Variants in POLQ observed in about 807,000 individuals in gnomAD.
POLQ encodes the protein DNA polymerase theta.
In POLQ, 233 loss-of-function variants were observed where a neutral mutation model predicts 259.2. That is an observed-to-expected ratio of 0.90 (90% CI 0.81 to 1.00). The LOEUF (loss-of-function observed/expected upper bound fraction) is 1.00, where lower values mean the gene tolerates loss of function less well. POLQ is among the 50% of genes least tolerant of loss of function. The probability of loss-of-function intolerance (pLI) is 0.00; values close to 1 mark genes in which losing one functional copy is unlikely to be tolerated. For missense variants in POLQ, 2,871 were observed against 3,051.6 expected, an observed-to-expected ratio of 0.94 and a Z score of 1.39; for synonymous variants, 1,025 against 1,048.8, an observed-to-expected ratio of 0.98 and a Z score of 0.44.
intron 26 of POLQ, among the ~76,000 whole-genome samples, chr3:121,442,871 T>C (rs2047605242): frequency 6.6e-6 from 1 of 152,184 alleles, no homozygotes; most frequent in African/African-American, 2.4e-5. Flanking sequence ...TGTTTTGTTT[T>C]GTTTTTGAGA....
chr3:121,456,554 T>C (rs1317523668), intron 25 of POLQ, among the ~76,000 whole-genome samples: 1 of 152,094 alleles, frequency 6.6e-6, no homozygotes, highest in Non-Finnish European at 1.5e-5. Flanking sequence ...ACAAAATCAA[T>C]GTACAAAAAT....
At chr3:121,447,847 GT>G (rs2047644120) in intron 26 of POLQ, among the ~76,000 whole-genome samples, 1 of 152,084 alleles carries the variant, frequency 6.6e-6, no homozygotes. Context: ...GGTAAAAGCT[GT>G]TTTTCCTTTG....
chr3:121,453,838 C>G (rs900323635), intron 25 of POLQ, among the ~76,000 whole-genome samples: 2 of 152,226 alleles, frequency 1.3e-5, no homozygotes, highest in African/African-American at 4.8e-5. Flanking sequence ...CTTCCCCAAT[C>G]TAGCAAGGCA....
chr3:121,448,108 C>T (rs1427272655), intron 26 of POLQ, among the ~76,000 whole-genome samples: 1 of 152,040 alleles, frequency 6.6e-6, no homozygotes, highest in African/African-American at 2.4e-5. Flanking sequence ...CTGTCTACTC[C>T]TATCTCCTTC....
intron 24 of POLQ, 65 bp downstream of exon 24, chr3:121,467,454 T>C: frequency 6.5e-7 from 1 of 1,539,374 alleles, no homozygotes. Context: ...TATTTCAGGC[T>C]TTATCCATGC....
intron 8 of POLQ, 23 bp from the exon 9 acceptor site, chr3:121,520,106 T>G (rs778281244): frequency 1.5e-6 from 2 of 1,359,630 alleles, no homozygotes; most frequent in Non-Finnish European, 2.1e-6. Flanking sequence ...GGTTTTTATA[T>G]ATTTATTGAT....
chr3:121,512,046 C>T lies in POLQ; in HGVS notation c.1469-17G>A. 2 of 1,604,420 alleles carry T rather than the reference C, an allele frequency of 1.2e-6. No homozygotes were observed. Among genetic ancestry groups the T allele is most frequent in the Non-Finnish European group, 1.7e-6 (2 of 1,175,250 alleles). ...TACTCTCGCCTATAACCAAAAGATA[C>T]ACATTTGCAAAATCCCAATATAGTT... On this transcript the variant is annotated splice_polypyrimidine_tract_variant and intron_variant, in intron 9 of 29. Coordinates refer to ENST00000264233, the MANE Select transcript of POLQ (RefSeq NM_199420.4).
chr3:121,437,858 T>C (rs2047556826), intron 27 of POLQ, among the ~76,000 whole-genome samples: 1 of 152,202 alleles, frequency 6.6e-6, no homozygotes, highest in Non-Finnish European at 1.5e-5. Context: ...CAAGAATGAC[T>C]TACCCATGTA....
intron 10 of POLQ, among the ~76,000 whole-genome samples, chr3:121,510,971 T>A (rs1182853537): frequency 6.6e-6 from 1 of 152,140 alleles, no homozygotes; most frequent in Non-Finnish European, 1.5e-5. Context: ...CTCACGCCCG[T>A]AATCCCAGCA....
At chr3:121,506,279 C>CAAAACA (rs61483450) in intron 12 of POLQ, among the ~76,000 whole-genome samples, 113,009 of 150,128 alleles carry the variant, frequency 0.75, 42,748 homozygotes, top group East Asian at 0.88. Flanking sequence ...AAAAACAAAA[C>CAAAACA]AAAACAAAAA....
intron 5 of POLQ, among the ~76,000 whole-genome samples, chr3:121,535,652 G>T (rs964499656): frequency 6.9e-6 from 1 of 145,780 alleles, no homozygotes; most frequent in East Asian, 2.1e-4. Flanking sequence ...GGAGATGGAG[G>T]TTGCAGTGAG....
chr3:121,534,105 T>A (rs576398086), intron 5 of POLQ, among the ~76,000 whole-genome samples: 139 of 150,228 alleles, frequency 9.3e-4, no homozygotes, highest in African/African-American at 3.4e-3. Flanking sequence ...CTCGATCTCC[T>A]GACCTCGTGA....
At chr3:121,476,854 A>C (rs2047931605) in intron 19 of POLQ, 121 bp from the exon 20 acceptor site, 1 of 679,320 alleles carries the variant, frequency 1.5e-6, no homozygotes, top group South Asian at 2.0e-5. Flanking sequence ...GGTATCCTTC[A>C]GGAGCCAGTC....
intron 25 of POLQ, among the ~76,000 whole-genome samples, chr3:121,452,776 T>C (rs539765972): frequency 3.5e-4 from 53 of 152,312 alleles, no homozygotes; most frequent in Non-Finnish European, 6.3e-4. Context: ...CAAGGAGGCC[T>C]GCCTGTCTCT....
chr3:121,463,852 T>C (rs1560090518), intron 24 of POLQ, among the ~76,000 whole-genome samples: 1 of 152,222 alleles, frequency 6.6e-6, no homozygotes. Context: ...TGTTTAGTTT[T>C]CTAAATCAGA....
At chr3:121,486,747 T>C (rs2048014694) in intron 16 of POLQ, among the ~76,000 whole-genome samples, 1 of 148,592 alleles carries the variant, frequency 6.7e-6, no homozygotes, top group South Asian at 2.1e-4. Context: ...CCTGTACTTC[T>C]AGCTACTTGG....
At chr3:121,471,409 C>T (rs1313525747) in intron 22 of POLQ, among the ~76,000 whole-genome samples, 1 of 152,098 alleles carries the variant, frequency 6.6e-6, no homozygotes, top group Non-Finnish European at 1.5e-5. Flanking sequence ...ATTGAAAGTA[C>T]TGTCTCAGAC....
intron 27 of POLQ, 56 bp downstream of exon 27, chr3:121,439,936 A>C: frequency 1.3e-6 from 2 of 1,481,834 alleles, no homozygotes; most frequent in Non-Finnish European, 1.9e-6. Context: ...TACTCTGCTG[A>C]AAAAGTACAT....
At chr3:121,466,321 ACT>A (rs2047835333) in intron 24 of POLQ, among the ~76,000 whole-genome samples, 1 of 147,718 alleles carries the variant, frequency 6.8e-6, no homozygotes, top group South Asian at 2.2e-4. Context: ...TTTTAAGAAA[ACT>A]CTGTTGCACT....
Sources: gnomAD v4.1 joint callset for allele counts (sites outside exome capture counted in the v4.1 genomes callset) on GRCh38, gnomAD v4.1.1 for gene constraint, MANE v1.5 for transcripts, NCBI Gene and HGNC (gene_info 2026-07-23, HGNC 2026-07-21) for gene names.